BMP7: variants seen among roughly 807,000 people sequenced by gnomAD.
The protein encoded by BMP7 is osteogenic protein 1.
A neutral mutation model predicts 41.2 loss-of-function variants in BMP7; 12 were observed. The observed-to-expected ratio is 0.29, with a 90% CI of 0.19 to 0.47. BMP7 has a LOEUF of 0.47. Among genes scored for constraint, BMP7 ranks in the 20% least tolerant of loss-of-function variants. The pLI is 0.99. For missense variants in BMP7, 467 were observed against 606.0 expected (o/e 0.77, Z 2.41); for synonymous variants, 248 against 250.0 (o/e 0.99, Z 0.07).
intron 2 of BMP7, 42 bp from the exon 3 acceptor site, chr20:57,202,665 G>A (rs1275083890): frequency 6.7e-7 from 1 of 1,490,088 alleles, no homozygotes; most frequent in Non-Finnish European, 9.0e-7. Flanking sequence ...CGTTAGCCAG[G>A]TCACAGCTCC....
rs2066175616 is a variant in BMP7 at position 57,265,903 on chromosome 20, C to G, written c.220G>C (p.Gly74Arg). The G allele has an allele frequency of 6.3e-7, 1 of 1,589,474 alleles. No individual in the cohort carries two copies. The highest frequency in any genetic ancestry group is 8.6e-7 in the Non-Finnish European group (1 of 1,167,854). ...LPHRPRPHLQ[G>R]KHNSAPMFML... ...AACATGGGTGCCGAGTTGTGCTTGC[C>G]CTGGAGGTGCGGGCGCGGGCGGTGG... Residue 74 changes from glycine (G) to arginine (R), a missense_variant, in exon 1 of 7, where the codon GGC becomes CGC. Transcript: ENST00000395863.
chr20:57,183,956 T>G (rs767514353), intron 3 of BMP7, 37 bp from the exon 4 acceptor site: 1 of 1,607,546 alleles, frequency 6.2e-7, no homozygotes, highest in Non-Finnish European at 8.5e-7. Flanking sequence ...GAAGAGTAGT[T>G]ACAGGAGGGC....
intron 1 of BMP7, among the ~76,000 whole-genome samples, chr20:57,231,132 T>G (rs1444463374): frequency 6.6e-6 from 1 of 152,240 alleles, no homozygotes; most frequent in Non-Finnish European, 1.5e-5. Flanking sequence ...TAGCTTCGCC[T>G]GTTTTTGAAC....
intron 1 of BMP7, among the ~76,000 whole-genome samples, chr20:57,260,904 C>G (rs1291296197): frequency 6.6e-6 from 1 of 152,204 alleles, no homozygotes; most frequent in African/African-American, 2.4e-5. Context: ...AAGCATGGTG[C>G]AAAGGGCTCC....
chr20:57,246,457 G>C (rs1398286875), intron 1 of BMP7, among the ~76,000 whole-genome samples: 2 of 152,140 alleles, frequency 1.3e-5, no homozygotes, highest in African/African-American at 4.8e-5. Flanking sequence ...TCTCCAATTA[G>C]CAATGCTGTT....
In BMP7 at chr20:57,213,143, G is replaced by A. The variant is rs376916986; in HGVS notation, c.612-10520C>T. On this transcript the variant is annotated intron_variant, in intron 2 of 6. Coordinates refer to ENST00000395863, the MANE Select transcript of BMP7 (RefSeq NM_001719.3). The surrounding 1 kb of genome is among the most constrained non-coding windows in gnomAD (Gnocchi z 4.4). ...CCCACGGCCCTCTCACCCACCCCAC[G>A]GCTGTCTGTCTCCCTCTGGGCAGGG... is the stretch of plus-strand genomic sequence containing the variant. Among the ~76,000 whole-genome samples the A allele has an allele frequency of 7.2e-5, 11 of 152,138 alleles. No individual in the cohort carries two copies. Among genetic ancestry groups the A allele is most frequent in the African/African-American group, 2.4e-4 (10 of 41,428 alleles).
rs1440574832 is a variant in BMP7 at position 57,261,693 on chromosome 20, C to T, written c.418+4012G>A. ...CCTTTGGCTGCTCACCAGTGAGGGC[C>T]GGCGCTCCGAGTGCTGGAATGTGGA... On this transcript the variant is annotated intron_variant, in intron 1 of 6. Transcript: ENST00000395863. This position sits in a 1 kb window ranked among gnomAD's most constrained non-coding sequence, Gnocchi z 4.1. 1.3e-5 allele frequency among the ~76,000 whole-genome samples: 2 copies of T among 152,274 alleles called. No individual in the cohort carries two copies.
intron 1 of BMP7, among the ~76,000 whole-genome samples, chr20:57,238,369 A>G (rs2066055600): frequency 6.6e-6 from 1 of 152,212 alleles, no homozygotes; most frequent in African/African-American, 2.4e-5. Context: ...AATGGTATGC[A>G]GCTTCCACAT....
intron 1 of BMP7, among the ~76,000 whole-genome samples, chr20:57,255,069 T>C (rs1442580041): frequency 6.6e-6 from 1 of 152,124 alleles, no homozygotes; most frequent in African/African-American, 2.4e-5. Context: ...CTTATCTCTA[T>C]GTCACTTATC....
intron 1 of BMP7, among the ~76,000 whole-genome samples, chr20:57,265,011 A>G (rs1357727606): frequency 6.9e-6 from 1 of 144,540 alleles, no homozygotes; most frequent in Non-Finnish European, 1.5e-5. Context: ...AGACTGGGCG[A>G]CAAGAGTGAA....
intron 3 of BMP7, among the ~76,000 whole-genome samples, chr20:57,194,304 C>A (rs1462954658): frequency 6.6e-6 from 1 of 152,160 alleles, no homozygotes; most frequent in Non-Finnish European, 1.5e-5. Flanking sequence ...CAGGGGCCAA[C>A]AAACTACAGC....
Position 57,224,440 on chromosome 20 carries a change from G to C in BMP7, c.611+3789C>G, listed in dbSNP as rs1236069557. On this transcript the variant is annotated intron_variant, in intron 2 of 6. Coordinates refer to ENST00000395863, the MANE Select transcript of BMP7 (RefSeq NM_001719.3). The surrounding 1 kb of genome is among the most constrained non-coding windows in gnomAD (Gnocchi z 4.8). Reference sequence around the variant, plus strand: ...GCAGAAGTGTGTCGCCTACATGTGGGGCAGCGCTGTGGAGTGGGGCAAGCC... The same window carrying C: ...GCAGAAGTGTGTCGCCTACATGTGGCGCAGCGCTGTGGAGTGGGGCAAGCC... 3 of 152,244 alleles carry C rather than the reference G, an allele frequency of 2.0e-5. No individual in the cohort carries two copies. The highest frequency in any genetic ancestry group is 7.2e-5 in the African/African-American group (3 of 41,448). 9.4% of individuals were successfully genotyped at this position (152,244 alleles called of 1,614,324 possible). A position where few individuals can be genotyped will look rare whatever the true frequency, so the allele number is the denominator to read the frequency against.
rs772579720 is a variant in BMP7, at chr20:57,259,932, A to G, written c.418+5773T>C. On this transcript the variant is annotated intron_variant, in intron 1 of 6. Transcript: ENST00000395863. This position sits in a 1 kb window ranked among gnomAD's most constrained non-coding sequence, Gnocchi z 4.7. The stretch of plus-strand genomic sequence containing the variant: ...TACCAAGTCACATTTTTTGTCAATT[A>G]TTATTTGTCAGATGCCATTTGCTGC... Among the ~76,000 whole-genome samples the G allele has an allele frequency of 2.4e-4, 37 of 152,028 alleles. No individual in the cohort carries two copies. Among genetic ancestry groups the G allele is most frequent in the Admixed American group, 1.4e-3 (21 of 15,254 alleles).
intron 1 of BMP7, among the ~76,000 whole-genome samples, chr20:57,264,463 G>A (rs1045629295): frequency 2.0e-5 from 3 of 152,204 alleles, no homozygotes; most frequent in African/African-American, 7.2e-5. Flanking sequence ...CCCGCAGCGC[G>A]CTGGCGCTGC....
In BMP7 at chr20:57,174,889, C is replaced by T. The variant is rs1257913713; in HGVS notation, c.1035+42G>A. On this transcript the variant is annotated intron_variant, in intron 5 of 6. Transcript: ENST00000395863. This position sits in a 1 kb window ranked among gnomAD's most constrained non-coding sequence, Gnocchi z 4.3. ...ACCCGCTGCCTCGTGGGAGCCCACG[C>T]CAGAGGGCCCACACCCAAGACAGAC... 2.5e-6 allele frequency: 4 copies of T among 1,588,610 alleles called. No individual in the cohort carries two copies. The highest frequency in any genetic ancestry group is 3.4e-6 in the Non-Finnish European group (4 of 1,167,708).
At chr20:57,220,506 A>G (rs766294617) in intron 2 of BMP7, among the ~76,000 whole-genome samples, 1 of 152,260 alleles carries the variant, frequency 6.6e-6, no homozygotes, top group Non-Finnish European at 1.5e-5. Context: ...ATAGGCGAGC[A>G]GAGGCCCAGG....
intron 1 of BMP7, among the ~76,000 whole-genome samples, chr20:57,260,249 T>C (rs965138372): frequency 8.5e-5 from 13 of 152,316 alleles, no homozygotes; most frequent in African/African-American, 3.1e-4. Context: ...TTAGATGATG[T>C]AGGTAAATCT....
chr20:57,254,100 G>A (rs1479745275), intron 1 of BMP7, among the ~76,000 whole-genome samples: 2 of 129,712 alleles, frequency 1.5e-5, no homozygotes, highest in Non-Finnish European at 3.1e-5. Context: ...TCGGCTTACT[G>A]CAACCTCTGC....
Position 57,228,473 on chromosome 20 carries a change from G to T in BMP7, c.419-52C>A. 1.3e-6 allele frequency: 2 copies of T among 1,595,440 alleles called. No homozygotes were observed. The highest frequency in any genetic ancestry group is 1.7e-6 in the Non-Finnish European group (2 of 1,163,124). On this transcript the variant is annotated intron_variant, in intron 1 of 6. Transcript: ENST00000395863. This position sits in a 1 kb window ranked among gnomAD's most constrained non-coding sequence, Gnocchi z 4.5. ...ACACCGACAGCTCATTAGTGTCTGG[G>T]TTTCACTCTCTGGCTCTGAGTCCAA...
Sources: gnomAD v4.1 joint callset for allele counts (sites outside exome capture counted in the v4.1 genomes callset) on GRCh38, gnomAD v4.1.1 for gene constraint, Gnocchi (gnomAD v3.1) non-coding constraint, MANE v1.5 for transcripts, NCBI Gene and HGNC (gene_info 2026-07-23, HGNC 2026-07-21) for gene names.